RHOXF1: variants seen among roughly 807,000 people sequenced by gnomAD.
The protein encoded by RHOXF1 is Rhox homeobox family member 1.
Under a neutral mutation model 9.7 loss-of-function variants are expected in RHOXF1, and 1 was observed. The observed-to-expected ratio is 0.10, with a 90% CI of 0.04 to 0.49. The LOEUF (loss-of-function observed/expected upper bound fraction) is 0.49. Ranked by LOEUF, RHOXF1 falls within the 20% of genes least tolerant of loss-of-function variation. RHOXF1 has a pLI of 0.95. For missense variants in RHOXF1, 179 were observed against 168.0 expected, an observed-to-expected ratio of 1.07 and a Z score of -0.36; for synonymous variants, 72 against 70.2, an observed-to-expected ratio of 1.03 and a Z score of -0.13.
intron 1 of RHOXF1, among the ~76,000 whole-genome samples, chrX:120,113,493 G>A (rs1196462636): frequency 2.7e-5 from 3 of 109,111 alleles, no homozygotes; most frequent in East Asian, 2.9e-4. Context: ...TCTCACTGTC[G>A]TCTATGTTGG....
chrX:120,112,479 A>G (rs868920785), intron 2 of RHOXF1, among the ~76,000 whole-genome samples: 2 of 69,032 alleles, frequency 2.9e-5, no homozygotes, highest in African/African-American at 4.3e-5. Context: ...ATACACATAT[A>G]TGTGTTATAT....
In RHOXF1 at chrX:120,109,766, G is replaced by T. The variant is rs1245736344; in HGVS notation, c.445-464C>A. The stretch of plus-strand genomic sequence containing the variant: ...TATGCCCAGCTGTTTTAATTTTTCT[G>T]TAGAGACAGGGTCTCGCTATGTTGC... On this transcript the variant is annotated intron_variant, in intron 2 of 2. Coordinates refer to ENST00000217999, the MANE Select transcript of RHOXF1 (RefSeq NM_139282.3). Among the ~76,000 whole-genome samples, 36 of 109,855 alleles carry T rather than the reference G, an allele frequency of 3.3e-4. 1 individual carries two copies. In the Admixed American group the frequency reaches 3.4e-3, roughly 10 times the overall value.
intron 1 of RHOXF1, 44 bp downstream of exon 1, chrX:120,115,421 A>T: frequency 9.5e-7 from 1 of 1,052,229 alleles, no homozygotes. Context: ...AGATGCCTCG[A>T]AACGAACTTG....
chrX:120,112,498 CAT>C (rs200192296), intron 2 of RHOXF1, among the ~76,000 whole-genome samples: 30 of 59,311 alleles, frequency 5.1e-4, no homozygotes, highest in Admixed American at 1.2e-3. Context: ...ATATAATACA[CAT>C]ATATGTATTA....
At chrX:120,114,332 G>C (rs1227224895) in intron 1 of RHOXF1, among the ~76,000 whole-genome samples, 2 of 110,804 alleles carry the variant, frequency 1.8e-5, no homozygotes, top group African/African-American at 3.3e-5. Context: ...TGAGATGGGA[G>C]GATTGCTTGG....
chrX:120,115,005 C>T (rs2057287158), intron 1 of RHOXF1, among the ~76,000 whole-genome samples: 1 of 111,764 alleles, frequency 8.9e-6, no homozygotes, highest in African/African-American at 3.3e-5. Context: ...ACATGAGATA[C>T]CTAGAGTAGT....
At chrX:120,110,762 C>T (rs1555999691) in intron 2 of RHOXF1, among the ~76,000 whole-genome samples, 1 of 112,305 alleles carries the variant, frequency 8.9e-6, no homozygotes, top group African/African-American at 3.2e-5. Flanking sequence ...TTATTACTTT[C>T]AAAAGTTCTC....
Position 120,115,542 on chromosome X carries a change from G to T in RHOXF1, c.321C>A (p.Arg107=). The change falls in exon 1 of 3, where the codon CGC becomes CGA. Residue 107 remains arginine (R), a synonymous_variant. Transcript: ENST00000217999. ...QPENMQPRTR[R]TKFTLLQVEE... is the part of the protein sequence containing the mutation. ...CCACCTGCAACAGCGTGAACTTCGT[G>T]CGCCGAGTTCGTGGCTGCATGTTCT... The T allele has an allele frequency of 8.8e-7, 1 of 1,138,589 alleles. No individual in the cohort carries two copies. The highest frequency in any genetic ancestry group is 1.2e-6 in the Non-Finnish European group (1 of 861,065). The allele number at this position is 1,138,589 out of a possible 1,213,427, so 93.8% of individuals were successfully genotyped here.
At chrX:120,120,041 T>C (rs6603594), upstream of RHOXF1, among the ~76,000 whole-genome samples, 5 of 110,867 alleles carry the variant, frequency 4.5e-5, no homozygotes, top group Non-Finnish European at 9.4e-5. Flanking sequence ...TCATAGTATG[T>C]TACCAAGCAT....
upstream of RHOXF1, among the ~76,000 whole-genome samples, chrX:120,118,739 A>G (rs1166101347): frequency 8.9e-6 from 1 of 111,810 alleles, no homozygotes; most frequent in Non-Finnish European, 1.9e-5. Flanking sequence ...TCCACCCAGC[A>G]GCCAGAGTGA....
At chrX:120,111,591 G>C (rs1471002625) in intron 2 of RHOXF1, among the ~76,000 whole-genome samples, 1 of 111,927 alleles carries the variant, frequency 8.9e-6, no homozygotes, top group Non-Finnish European at 1.9e-5. Flanking sequence ...GGAATGAAAA[G>C]TATTTGAAAT....
Position 120,115,856 on chromosome X carries a change from G to A in RHOXF1, c.7C>T (p.Arg3Cys), listed in dbSNP as rs782627066. MA[R>C]SLVHDTVFYC... ...AACACGGTGTCGTGGACGAGCGAAC[G>A]CGCCATGGCTGGAGCGCTGCGCCCC... Residue 3 changes from arginine (R) to cysteine (C), a missense_variant, in exon 1 of 3, where the codon CGT becomes TGT. Arg to Cys is a radical substitution (Grantham distance 180). Transcript: ENST00000217999. The A allele has an allele frequency of 1.5e-5, 18 of 1,174,574 alleles. No homozygotes were observed. Among genetic ancestry groups the A allele is most frequent in the Non-Finnish European group, 2.0e-5 (18 of 882,167 alleles).
chrX:120,112,438 T>TG (rs1472718634), intron 2 of RHOXF1, among the ~76,000 whole-genome samples: 36,289 of 76,124 alleles, frequency 0.48, 7,000 homozygotes, highest in Non-Finnish European at 0.61. Flanking sequence ...TACACATATA[T>TG]TATATATAAT....
At chrX:120,117,958 G>A (rs2057303671), upstream of RHOXF1, 2 of 111,633 alleles carry the variant, frequency 1.8e-5, no homozygotes, top group Admixed American at 9.5e-5. Context: ...GGGTTTTCAT[G>A]AGAGTTCAAT....
At position 120,115,781 on chromosome X, in the gene RHOXF1, C is replaced by A. The variant is rs782270842; in HGVS notation, c.82G>T (p.Gly28Trp). 4 of 1,204,654 alleles carry A rather than the reference C, an allele frequency of 3.3e-6. No individual in the cohort carries two copies. The East Asian group carries it at 1.2e-4, about 36-fold the overall frequency. Reference protein sequence around the residue: ...QVKISPTPQLGAASSAEGHVG... With the variant: ...QVKISPTPQLWAASSAEGHVG... Reference sequence around the variant, plus strand: ...TGGCCTTCTGCGCTTGATGCTGCCCCCAGCTGAGGTGTGGGGCTTATTTTT... The same window carrying A: ...TGGCCTTCTGCGCTTGATGCTGCCCACAGCTGAGGTGTGGGGCTTATTTTT... The change falls in exon 1 of 3, where the codon GGG becomes TGG. Residue 28 changes from glycine to tryptophan, a missense_variant. Transcript: ENST00000217999.
intron 2 of RHOXF1, among the ~76,000 whole-genome samples, chrX:120,112,472 C>CATATATGTGTATTATATATTAT (rs2057272082): frequency 3.9e-4 from 1 of 2,593 alleles, no homozygotes; most frequent in Non-Finnish European, 6.6e-3. Flanking sequence ...ATATATAATA[C>CATATATGTGTATTATATATTAT]ACATATATGT....
rs2057288660 is a variant in RHOXF1, at chrX:120,115,362, A to AC, written c.398+102dup. 1.5e-5 allele frequency: 10 copies of AC among 652,733 alleles called. No individual in the cohort carries two copies. In the East Asian group the frequency reaches 3.4e-4, roughly 22 times the overall value. The allele number at this position is 652,733 out of a possible 1,213,427, so 53.8% of individuals were successfully genotyped here. A position where few individuals can be genotyped will look rare whatever the true frequency, so the allele number is the denominator to read the frequency against. On this transcript the variant is annotated intron_variant, in intron 1 of 2. Coordinates refer to ENST00000217999, the MANE Select transcript of RHOXF1 (RefSeq NM_139282.3). ...CACACCAGCACAAAGGCAGGCAAGG[A>AC]CCCCCAGTGGCTTTTTCCTCATGAT...
rs782107753 is a variant in RHOXF1, at chrX:120,115,830, G to A, written c.33C>T (p.Phe11=). The change falls in exon 1 of 3, where the codon TTC becomes TTT. Residue 11 remains phenylalanine (F), a synonymous_variant. Transcript: ENST00000217999. MARSLVHDTV[F]YCLSVYQVKI... ...TTACCTGGTATACACTCAGGCAGTA[G>A]AACACGGTGTCGTGGACGAGCGAAC... The A allele has an allele frequency of 8.4e-7, 1 of 1,192,411 alleles. No individual in the cohort carries two copies. The highest frequency in any genetic ancestry group is 1.1e-6 in the Non-Finnish European group (1 of 889,935).
intron 2 of RHOXF1, among the ~76,000 whole-genome samples, chrX:120,111,406 T>G (rs2057264523): frequency 9.0e-6 from 1 of 111,723 alleles, no homozygotes; most frequent in Admixed American, 9.5e-5. Flanking sequence ...GGCAGTGCAT[T>G]TCCCTCACTA....
Sources: allele counts gnomAD v4.1 joint callset (sites outside exome capture counted in the v4.1 genomes callset), GRCh38; gene constraint gnomAD v4.1.1; transcripts MANE v1.5; gene names NCBI Gene and HGNC (gene_info 2026-07-23, HGNC 2026-07-21).